SPATA13: variants seen among roughly 807,000 people sequenced by gnomAD.
SPATA13 encodes the protein spermatogenesis associated 13, also known as spermatogenesis-associated protein 13.
In SPATA13, 50 loss-of-function variants were observed where a neutral mutation model predicts 104.0. The ratio of observed to expected loss-of-function variants is 0.48; its 90% CI spans 0.38 to 0.61. SPATA13 has a LOEUF of 0.61. SPATA13 is among the 20% of genes least tolerant of loss of function. The pLI, the probability that SPATA13 is intolerant of heterozygous loss-of-function variation, is 0.00. For missense variants in SPATA13, 1,524 were observed against 1,690.6 expected (o/e 0.90, Z 1.73); for synonymous variants, 606 against 667.5 (o/e 0.91, Z 1.42).
Position 24,123,608 on chromosome 13 carries a change from CAA to C in SPATA13, c.-111-99208_-111-99207del, listed in dbSNP as rs1401189722. The C allele has an allele frequency of 3.3e-5, 53 of 1,607,072 alleles. No homozygotes were observed. The Admixed American group carries it at 3.5e-4, about 11-fold the overall frequency. ...CTTTCCTCTTACTACAGGCTGTAAA[CAA>C]AAGTGTCTGGGCAGCAGTGGTAGGA... is the stretch of plus-strand genomic sequence containing the variant. On this transcript the variant is annotated intron_variant, in intron 3 of 14. Coordinates refer to the SPATA13 transcript ENST00000424834.
chr13:24,163,479 C>T (rs938895454), intron 1 of SPATA13, among the ~76,000 whole-genome samples: 1 of 152,208 alleles, frequency 6.6e-6, no homozygotes, highest in African/African-American at 2.4e-5. Context: ...TTCCGTTTCA[C>T]TTTAGCTGGA....
intron 2 of SPATA13, among the ~76,000 whole-genome samples, chr13:23,988,435 G>A (rs1160307712): frequency 6.6e-6 from 1 of 152,172 alleles, no homozygotes; most frequent in Admixed American, 6.5e-5. Context: ...TCTGTGGATA[G>A]GCTTTCAGTT....
At position 24,038,564 on chromosome 13, in the gene SPATA13, G is replaced by A. The variant is rs565935123; in HGVS notation, c.-112+20863G>A. ...AGCATCCAACTCAGGGTCAGCAGAC[G>A]TCTTCGGTAAAGTGCCGAGAGTAAG... On this transcript the variant is annotated intron_variant, in intron 3 of 14. Transcript: ENST00000424834. Among the ~76,000 whole-genome samples, 65 of 152,254 alleles carry A rather than the reference G, an allele frequency of 4.3e-4. No individual in the cohort carries two copies. The South Asian group carries it at 0.012, about 28-fold the overall frequency.
intron 3 of SPATA13, among the ~76,000 whole-genome samples, chr13:24,041,942 C>T (rs997108371): frequency 6.6e-6 from 1 of 152,212 alleles, no homozygotes; most frequent in East Asian, 1.9e-4. Flanking sequence ...ACACAGTCCT[C>T]GCCTTTTCCT....
At chr13:24,211,501 T>G (rs1378842230) in intron 1 of SPATA13, among the ~76,000 whole-genome samples, 1 of 152,246 alleles carries the variant, frequency 6.6e-6, no homozygotes, top group Non-Finnish European at 1.5e-5. Flanking sequence ...CTGTATCTGT[T>G]GAGATAGTCC....
intron 3 of SPATA13, among the ~76,000 whole-genome samples, chr13:24,042,148 G>T (rs547540310): frequency 6.8e-6 from 1 of 146,010 alleles, no homozygotes; most frequent in Admixed American, 6.9e-5. Context: ...TCACGGGAGC[G>T]TTGGCTATGA....
intron 3 of SPATA13, among the ~76,000 whole-genome samples, chr13:24,036,592 C>T (rs142716261): frequency 2.0e-5 from 3 of 152,168 alleles, no homozygotes; most frequent in East Asian, 1.9e-4. Context: ...CACCCAGGGA[C>T]GAGATCTCTC....
chr13:24,079,664 T>G (rs1297051836), intron 3 of SPATA13, among the ~76,000 whole-genome samples: 4 of 152,028 alleles, frequency 2.6e-5, no homozygotes, highest in Non-Finnish European at 5.9e-5. Context: ...TGGGCTCTAC[T>G]TTATTTTCTT....
chr13:24,213,214 C>G (rs1871118138), intron 1 of SPATA13, among the ~76,000 whole-genome samples: 1 of 152,124 alleles, frequency 6.6e-6, no homozygotes, highest in South Asian at 2.1e-4. Context: ...GGAGGAGAGT[C>G]ACAGGATGCC....
chr13:24,246,771 G>A (rs1873163390), intron 2 of SPATA13, among the ~76,000 whole-genome samples: 1 of 152,020 alleles, frequency 6.6e-6, no homozygotes, highest in Non-Finnish European at 1.5e-5. Flanking sequence ...GCTGAGACAG[G>A]ATAATCACTT....
At chr13:24,096,560 C>T (rs561643073) in intron 3 of SPATA13, among the ~76,000 whole-genome samples, 2 of 152,258 alleles carry the variant, frequency 1.3e-5, no homozygotes, top group South Asian at 4.1e-4. Flanking sequence ...GATCGCACCA[C>T]AGCCTGGGCA....
chr13:24,260,454 C>G (rs1254378051), intron 4 of SPATA13, among the ~76,000 whole-genome samples: 1 of 152,178 alleles, frequency 6.6e-6, no homozygotes, highest in Non-Finnish European at 1.5e-5. Context: ...AGAGTTGTAT[C>G]CTCACCGGGA....
intron 3 of SPATA13, among the ~76,000 whole-genome samples, chr13:24,059,143 T>G (rs1358076339): frequency 6.6e-6 from 1 of 151,586 alleles, no homozygotes; most frequent in Non-Finnish European, 1.5e-5. Context: ...TGCTAATTTT[T>G]TGTATTTTTA....
chr13:24,000,190 C>G (rs1875888791), intron 2 of SPATA13, among the ~76,000 whole-genome samples: 1 of 152,208 alleles, frequency 6.6e-6, no homozygotes, highest in South Asian at 2.1e-4. Context: ...AGGAGAAGGA[C>G]ATTGTGCCCT....
chr13:24,268,265 A>G (rs1874385926), intron 4 of SPATA13, among the ~76,000 whole-genome samples: 1 of 152,228 alleles, frequency 6.6e-6, no homozygotes, highest in Admixed American at 6.5e-5. Context: ...CTTGGAGCGT[A>G]TTATGCCACT....
intron 1 of SPATA13, among the ~76,000 whole-genome samples, chr13:24,175,536 T>G (rs1472636114): frequency 6.6e-6 from 1 of 152,192 alleles, no homozygotes; most frequent in Non-Finnish European, 1.5e-5. Flanking sequence ...AACTTGCCAG[T>G]TAGGGCTAGA....
rs558181900 is a variant in SPATA13 at position 24,085,029 on chromosome 13, G to A, written c.-112+67328G>A. On this transcript the variant is annotated intron_variant, in intron 3 of 14. Transcript: ENST00000424834. Reference sequence around the variant, plus strand: ...CCCTAAGTCAGCCGCCTGTGTGTTCGCAGTCGCCTGGGATTCTGGGTTGGG... The same window carrying A: ...CCCTAAGTCAGCCGCCTGTGTGTTCACAGTCGCCTGGGATTCTGGGTTGGG... Among the ~76,000 whole-genome samples, 21 of 152,284 alleles carry A rather than the reference G, an allele frequency of 1.4e-4. No homozygotes were observed. In the South Asian group the frequency reaches 3.7e-3, roughly 27 times the overall value.
upstream of SPATA13, among the ~76,000 whole-genome samples, chr13:24,159,307 G>A (rs1249010116): frequency 6.6e-6 from 1 of 152,046 alleles, no homozygotes; most frequent in Non-Finnish European, 1.5e-5. Context: ...AAAATACATG[G>A]TCATTGTTAA....
intron 3 of SPATA13, among the ~76,000 whole-genome samples, chr13:24,037,228 G>A (rs1397435693): frequency 3.9e-4 from 58 of 147,370 alleles, no homozygotes; most frequent in Middle Eastern, 3.5e-3. Flanking sequence ...GGGGAGGGAT[G>A]GCATTAGGAG....
Sources: allele counts gnomAD v4.1 joint callset (sites outside exome capture counted in the v4.1 genomes callset), GRCh38; gene constraint gnomAD v4.1.1; transcripts MANE v1.5; gene names NCBI Gene and HGNC (gene_info 2026-07-23, HGNC 2026-07-21).